The following TRIM75 variants were observed in gnomAD, a reference collection of about 807,000 sequenced individuals.
The protein encoded by TRIM75 is tripartite motif-containing protein 75.
At chr4:165,060,391 T>A in the TRIM75 span, 1 of 780,916 alleles carries the variant, frequency 1.3e-6, no homozygotes, top group East Asian at 2.4e-5. Flanking sequence ...GCCATTGGCA[T>A]TTTCCTGGAC....
the TRIM75 span, among the ~76,000 whole-genome samples, chr4:165,058,249 C>T: frequency 1.3e-5 from 2 of 152,182 alleles, no homozygotes; most frequent in African/African-American, 2.4e-5. Flanking sequence ...CTCACTGGAG[C>T]CTTGACCTCT....
the TRIM75 span, among the ~76,000 whole-genome samples, chr4:165,058,307 T>C: frequency 6.6e-6 from 1 of 152,192 alleles, no homozygotes; most frequent in Non-Finnish European, 1.5e-5. Context: ...AGGCTGGGAC[T>C]ACAGGTGCGC....
the TRIM75 span, chr4:165,059,294 A>G: frequency 1.3e-6 from 1 of 780,564 alleles, no homozygotes; most frequent in South Asian, 1.3e-5. Flanking sequence ...ATCTACAGGA[A>G]TTGTTCCCTT....
At chr4:165,060,120 G>A in the TRIM75 span, 2,233 of 780,878 alleles carry the variant, frequency 2.9e-3, 39 homozygotes, top group South Asian at 0.021. Flanking sequence ...AAAACAAAAG[G>A]TTCCTGGTTT....
the TRIM75 span, among the ~76,000 whole-genome samples, chr4:165,058,262 G>C: frequency 2.0e-5 from 3 of 152,260 alleles, no homozygotes; most frequent in East Asian, 5.8e-4. Context: ...TGACCTCTGT[G>C]GCTCAAGGAT....
the TRIM75 span, chr4:165,059,322 CA>C: frequency 1.3e-6 from 1 of 780,496 alleles, no homozygotes; most frequent in Non-Finnish European, 2.4e-6. Context: ...CTGTCGTCAC[CA>C]GTGTCAAGAG....
chr4:165,057,510 CTTTTTAAGTA>C, the TRIM75 span, among the ~76,000 whole-genome samples: 3 of 152,044 alleles, frequency 2.0e-5, no homozygotes, highest in Non-Finnish European at 4.4e-5. Context: ...AAAGGAAAAA[CTTTTTAAGTA>C]TTTTTTTGTT....
At chr4:165,059,090 A>C in the TRIM75 span, 7 of 684,448 alleles carry the variant, frequency 1.0e-5, no homozygotes, top group African/African-American at 3.5e-5. Flanking sequence ...AAGAGTACCC[A>C]CAGAACTCAA....
At chr4:165,059,952 A>G in the TRIM75 span, 4 of 779,504 alleles carry the variant, frequency 5.1e-6, no homozygotes, top group South Asian at 4.0e-5. Flanking sequence ...GATCTTTTCA[A>G]TTCATTTAAA....
chr4:165,058,570 C>T, the TRIM75 span, among the ~76,000 whole-genome samples: 1 of 152,072 alleles, frequency 6.6e-6, no homozygotes, highest in Admixed American at 6.6e-5. Context: ...AAGCTGTTCC[C>T]ACAACCCCAG....
At chr4:165,056,036 C>T in the TRIM75 span, among the ~76,000 whole-genome samples, 20 of 151,904 alleles carry the variant, frequency 1.3e-4, no homozygotes, top group African/African-American at 4.6e-4. Context: ...CCACCTCAGC[C>T]TCTGGAGTAG....
At chr4:165,059,558 C>T in the TRIM75 span, 1,102 of 780,854 alleles carry the variant, frequency 1.4e-3, 11 homozygotes, top group African/African-American at 0.016. Context: ...AGAAAGCTGC[C>T]ATTCATTATA....
the TRIM75 span, among the ~76,000 whole-genome samples, chr4:165,057,697 A>AT: frequency 0.01 from 1,593 of 151,838 alleles, 30 homozygotes; most frequent in African/African-American, 0.037. Context: ...TGCCAGGCTA[A>AT]TTTTTTTTGT....
At chr4:165,055,901 A>G in the TRIM75 span, among the ~76,000 whole-genome samples, 6 of 148,018 alleles carry the variant, frequency 4.1e-5, no homozygotes, top group African/African-American at 1.5e-4. Context: ...TGGGCAACAC[A>G]TGAGACGCTG....
the TRIM75 span, chr4:165,060,021 T>C: frequency 1.3e-6 from 1 of 772,406 alleles, no homozygotes; most frequent in Non-Finnish European, 2.4e-6. Context: ...TATAAAGAAA[T>C]TTAAAGTAGA....
chr4:165,056,523 G>A, the TRIM75 span, among the ~76,000 whole-genome samples: 43 of 149,888 alleles, frequency 2.9e-4, 1 homozygote, highest in Admixed American at 2.5e-3. Flanking sequence ...GAGTGTTTCC[G>A]AAACCTTTCT....
At chr4:165,054,093 A>G in the TRIM75 span, among the ~76,000 whole-genome samples, 1 of 151,066 alleles carries the variant, frequency 6.6e-6, no homozygotes, top group East Asian at 1.9e-4. Flanking sequence ...TAATGTTTTT[A>G]TTTTCATTTA....
At chr4:165,057,391 TGAC>T in the TRIM75 span, among the ~76,000 whole-genome samples, 1 of 152,184 alleles carries the variant, frequency 6.6e-6, no homozygotes, top group African/African-American at 2.4e-5. Context: ...ATGCACTGAG[TGAC>T]CAAAAGAGAA....
chr4:165,055,102 T>C, the TRIM75 span, among the ~76,000 whole-genome samples: 1 of 151,904 alleles, frequency 6.6e-6, no homozygotes, highest in Non-Finnish European at 1.5e-5. Context: ...GGCCACACAG[T>C]TAATAAGGGA....
Sources: allele counts gnomAD v4.1 joint callset (sites outside exome capture counted in the v4.1 genomes callset), GRCh38; gene constraint gnomAD v4.1.1; transcripts MANE v1.5; gene names NCBI Gene and HGNC (gene_info 2026-07-23, HGNC 2026-07-21).